Variants in PIEZO2 observed in about 807,000 individuals in gnomAD.
The protein encoded by PIEZO2 is piezo type mechanosensitive ion channel component 2.
PIEZO2 carries 172 observed loss-of-function variants against 337.3 expected under a neutral mutation model. The ratio of observed to expected loss-of-function variants is 0.51; its 90% CI spans 0.45 to 0.58. The LOEUF (loss-of-function observed/expected upper bound fraction) is 0.58, where lower values mean the gene tolerates loss of function less well. Among genes scored for constraint, PIEZO2 ranks in the 20% least tolerant of loss-of-function variants. The probability of loss-of-function intolerance (pLI) is 0.00; values close to 1 mark genes in which losing one functional copy is unlikely to be tolerated. For synonymous variants in PIEZO2, 1,251 were observed against 1,228.5 expected (o/e 1.02, Z -0.38); for missense variants, 3,028 against 3,391.3 (o/e 0.89, Z 2.66).
At chr18:10,809,423 AC>A (rs2040113843) in intron 7 of PIEZO2, among the ~76,000 whole-genome samples, 2 of 151,758 alleles carry the variant, frequency 1.3e-5, no homozygotes, top group Non-Finnish European at 2.9e-5. Context: ...GGTGCGCACC[AC>A]CATGCCAGCT....
intron 24 of PIEZO2, among the ~76,000 whole-genome samples, 169 bp downstream of exon 24, chr18:10,760,742 C>G (rs1272990820): frequency 6.6e-6 from 1 of 152,232 alleles, no homozygotes; most frequent in Non-Finnish European, 1.5e-5. Context: ...ACTTGGAAAA[C>G]TTTCAGTCAA....
intron 3 of PIEZO2, among the ~76,000 whole-genome samples, chr18:10,970,501 G>C (rs1345614558): frequency 6.6e-6 from 1 of 152,088 alleles, no homozygotes. Context: ...TTCTGTTTTT[G>C]CTAAGTCTCT....
At position 11,083,529 on chromosome 18, in the gene PIEZO2, G is replaced by A. The variant is rs2038821407; in HGVS notation, c.65-17307C>T. ...GGAGAAGCCTGTACACAAAGGGGGA[G>A]CCACTCAGGTGGTGCCAGCCCTGCA... On this transcript the variant is annotated intron_variant, in intron 1 of 55. Coordinates refer to ENST00000674853, the MANE Select transcript of PIEZO2 (RefSeq NM_001378183.1). The surrounding 1 kb of genome is among the most constrained non-coding windows in gnomAD (Gnocchi z 4.4). Among the ~76,000 whole-genome samples the A allele has an allele frequency of 6.6e-6, 1 of 152,178 alleles. No homozygotes were observed. Among genetic ancestry groups the A allele is most frequent in the South Asian group, 2.1e-4 (1 of 4,828 alleles).
intron 10 of PIEZO2, among the ~76,000 whole-genome samples, chr18:10,800,716 A>T (rs2039782578): frequency 6.6e-6 from 1 of 152,258 alleles, no homozygotes; most frequent in Non-Finnish European, 1.5e-5. Flanking sequence ...ACTTTGCCTG[A>T]AACCATGCTT....
intron 3 of PIEZO2, among the ~76,000 whole-genome samples, chr18:10,976,876 TACCTCCCTTCACCATC>T (rs1393790079): frequency 6.6e-6 from 1 of 152,148 alleles, no homozygotes; most frequent in Non-Finnish European, 1.5e-5. Context: ...TTGAGATGAC[TACCTCCCTTCACCATC>T]ACCTCCCTTC....
chr18:10,675,098 C>G (rs2033935322), intron 54 of PIEZO2, 111 bp downstream of exon 54: 1 of 682,698 alleles, frequency 1.5e-6, no homozygotes, highest in Non-Finnish European at 2.5e-6. Flanking sequence ...GTCTGTCACA[C>G]AGGGAGAGAT....
At chr18:10,685,210 T>C (rs1441686467) in intron 49 of PIEZO2, among the ~76,000 whole-genome samples, 1 of 152,192 alleles carries the variant, frequency 6.6e-6, no homozygotes, top group East Asian at 1.9e-4. Flanking sequence ...AGAGTTACTG[T>C]TAAGAGCAGC....
chr18:10,774,133 T>C, intron 18 of PIEZO2, 95 bp from the exon 19 acceptor site: 2 of 688,264 alleles, frequency 2.9e-6, no homozygotes, highest in South Asian at 1.5e-5. Context: ...CTACATATCA[T>C]CCACTATTGC....
intron 3 of PIEZO2, among the ~76,000 whole-genome samples, chr18:10,918,863 A>G (rs1211989586): frequency 1.3e-5 from 2 of 152,054 alleles, no homozygotes; most frequent in East Asian, 3.8e-4. Context: ...ATGTAAATTT[A>G]TATCTACATT....
Position 10,980,779 on chromosome 18 carries a change from T to A in PIEZO2, c.161-1119A>T, listed in dbSNP as rs972240946. On this transcript the variant is annotated intron_variant, in intron 2 of 55. Coordinates refer to ENST00000674853, the MANE Select transcript of PIEZO2 (RefSeq NM_001378183.1). The surrounding 1 kb of genome is among the most constrained non-coding windows in gnomAD (Gnocchi z 4.8). ...TATTAGCAAAAAAATTGAAAAGGTT[T>A]TGTCAATGTGTCAATTTGGCTAGGC... is the stretch of plus-strand genomic sequence containing the variant. 1.3e-5 allele frequency among the ~76,000 whole-genome samples: 2 copies of A among 152,204 alleles called. No individual in the cohort carries two copies. The highest frequency in any genetic ancestry group is 4.8e-5 in the African/African-American group (2 of 41,458).
At position 10,706,228 on chromosome 18, in the gene PIEZO2, G is replaced by A. The variant is rs187265984; in HGVS notation, c.5589-482C>T. ...ACAGACCCACCCAGACCATAAGGGG[G>A]GAATGGGAATGGGAATGATTAAATA... On this transcript the variant is annotated intron_variant, in intron 40 of 55. Coordinates refer to ENST00000674853, the MANE Select transcript of PIEZO2 (RefSeq NM_001378183.1). Among the ~76,000 whole-genome samples, 485 of 152,242 alleles carry A rather than the reference G, an allele frequency of 3.2e-3. 8 individuals carry two copies. The highest frequency in any genetic ancestry group is 0.03 in the Admixed American group (454 of 15,286).
At chr18:11,034,331 T>G (rs1199674379) in intron 2 of PIEZO2, among the ~76,000 whole-genome samples, 1 of 151,914 alleles carries the variant, frequency 6.6e-6, no homozygotes, top group Middle Eastern at 3.2e-3. Context: ...CGTCTAGCTC[T>G]GTCGCCCAGG....
At chr18:10,928,551 T>A (rs563641894) in intron 3 of PIEZO2, among the ~76,000 whole-genome samples, 1 of 152,342 alleles carries the variant, frequency 6.6e-6, no homozygotes, top group East Asian at 1.9e-4. Flanking sequence ...ATAAATATTA[T>A]AAATAAAATA....
At chr18:10,703,986 G>A (rs4797462) in intron 42 of PIEZO2, among the ~76,000 whole-genome samples, 34,429 of 151,924 alleles carry the variant, frequency 0.23, 3,914 homozygotes, top group South Asian at 0.28. Flanking sequence ...CCCCGGTGGC[G>A]CCAGGCATTG....
intron 4 of PIEZO2, among the ~76,000 whole-genome samples, chr18:10,874,197 A>G (rs991529868): frequency 6.6e-6 from 1 of 152,204 alleles, no homozygotes; most frequent in African/African-American, 2.4e-5. Flanking sequence ...ACAAATGGAC[A>G]ACAGCTTATG....
chr18:10,886,507 CA>C (rs2042613006), intron 4 of PIEZO2, among the ~76,000 whole-genome samples: 1 of 16,650 alleles, frequency 6.0e-5, no homozygotes, highest in African/African-American at 3.2e-4. Flanking sequence ...TACGCATATA[CA>C]CATTATATAT....
intron 4 of PIEZO2, among the ~76,000 whole-genome samples, chr18:10,883,743 C>T (rs967127731): frequency 2.0e-5 from 3 of 151,834 alleles, no homozygotes; most frequent in African/African-American, 7.3e-5. Flanking sequence ...ATCATTTGAC[C>T]AACATCTCTC....
rs761651336 is a variant in PIEZO2, at chr18:10,773,543, G to A, written c.2654C>T (p.Ala885Val). The stretch of plus-strand genomic sequence containing the variant: ...CTCAAGCTTCTCCTCCCCAGGCTCA[G>A]CCAACTTCCTCACCTCCGGCTTCTC... ...SLEKPEVRKL[A>V]EPGEEKLEGY... The change falls in exon 20 of 56, where the codon GCT (alanine) becomes GTT (valine). Residue 885 changes from alanine (A) to valine (V), a missense_variant. This residue lies in a region of PIEZO2 where 1,925 missense variants were observed against 2,051.9 expected (regional missense o/e 0.94). Coordinates refer to ENST00000674853, the MANE Select transcript of PIEZO2 (RefSeq NM_001378183.1). The surrounding 1 kb of genome is among the most constrained non-coding windows in gnomAD (Gnocchi z 5.3). 2.0e-6 allele frequency: 3 copies of A among 1,537,306 alleles called. No individual in the cohort carries two copies. The highest frequency in any genetic ancestry group is 2.6e-6 in the Non-Finnish European group (3 of 1,146,972).
chr18:10,949,626 G>C (rs1260679724), intron 3 of PIEZO2, among the ~76,000 whole-genome samples: 1 of 152,230 alleles, frequency 6.6e-6, no homozygotes, highest in Non-Finnish European at 1.5e-5. Flanking sequence ...GCATTGAATT[G>C]GTTGTGACAC....
Sources: gnomAD v4.1 joint callset for allele counts (sites outside exome capture counted in the v4.1 genomes callset) on GRCh38, gnomAD v4.1.1 for gene constraint, gnomAD v4.1.1 regional missense constraint, Gnocchi (gnomAD v3.1) non-coding constraint, MANE v1.5 for transcripts, NCBI Gene and HGNC (gene_info 2026-07-23, HGNC 2026-07-21) for gene names.